Variants in ALMS1 observed in about 807,000 individuals in gnomAD.
The protein encoded by ALMS1 is ALMS1 centrosome and basal body associated protein.
In ALMS1, 271 loss-of-function variants were observed where a neutral mutation model predicts 352.2. The observed-to-expected ratio is 0.77, with a 90% confidence interval of 0.70 to 0.85. The LOEUF (loss-of-function observed/expected upper bound fraction) is 0.85. Among genes scored for constraint, ALMS1 ranks in the 40% least tolerant of loss-of-function variants. The pLI, the probability that ALMS1 is intolerant of heterozygous loss-of-function variation, is 0.00. For missense variants in ALMS1, 5,445 were observed against 4,870.7 expected (o/e 1.12, Z -3.51); for synonymous variants, 1,865 against 1,761.2 (o/e 1.06, Z -1.48).
chr2:73,572,264 T>C lies in ALMS1; in HGVS notation c.10387T>C (p.Ser3463Pro). 1 of 1,605,332 alleles carries C rather than the reference T, an allele frequency of 6.2e-7. No individual in the cohort carries two copies. Among genetic ancestry groups the C allele is most frequent in the South Asian group, 1.1e-5 (1 of 88,608 alleles). ...KESLQINIEE[S>P]ECHSEFENTT... ...AAATCTTTTTTTCTCCTTTTCAGAG[T>C]CCGAATGTCATTCAGAATTTGAAAA... is the stretch of plus-strand genomic sequence containing the variant. The change falls in exon 16 of 23, where the codon TCC becomes CCC. Residue 3463 changes from serine (S) to proline (P), a missense_variant and splice_region_variant. Coordinates refer to ENST00000613296, the MANE Select transcript of ALMS1 (RefSeq NM_001378454.1).
At chr2:73,583,204 T>A (rs1675227095) in intron 16 of ALMS1, among the ~76,000 whole-genome samples, 3 of 152,058 alleles carry the variant, frequency 2.0e-5, no homozygotes. Context: ...TACTTTTTTT[T>A]TTTTTTAGAG....
intron 9 of ALMS1, among the ~76,000 whole-genome samples, chr2:73,481,020 G>T (rs1456786610): frequency 2.6e-5 from 4 of 150,948 alleles, no homozygotes; most frequent in Admixed American, 2.0e-4. Context: ...CTCCCATTTT[G>T]TAGGTTTCCT....
chr2:73,449,074 G>A lies in ALMS1; in HGVS notation c.2547G>A (p.Gly849=), dbSNP rs1469851023. ...CTGGACCAGCTGACGGAAAGACTGG[G>A]ACACCAGCTGTAACCTCTACTTCCT... is the stretch of plus-strand genomic sequence containing the variant. The part of the protein sequence containing the change: ...AVSGPADGKT[G]TPAVTSTSSA... The change falls in exon 8 of 23, where the codon GGG becomes GGA. Residue 849 remains glycine, a synonymous_variant. Coordinates refer to ENST00000613296, the MANE Select transcript of ALMS1 (RefSeq NM_001378454.1). 1 of 1,614,104 alleles carries A rather than the reference G, an allele frequency of 6.2e-7. No individual in the cohort carries two copies. Among genetic ancestry groups the A allele is most frequent in the Admixed American group, 1.7e-5 (1 of 60,008 alleles).
At chr2:73,514,798 T>C (rs1673523400) in intron 10 of ALMS1, among the ~76,000 whole-genome samples, 2 of 152,198 alleles carry the variant, frequency 1.3e-5, no homozygotes, top group Non-Finnish European at 2.9e-5. Context: ...TGTATTTCAG[T>C]TGGTTATAGA....
intron 16 of ALMS1, among the ~76,000 whole-genome samples, chr2:73,580,989 G>A (rs528134594): frequency 2.0e-5 from 3 of 152,206 alleles, no homozygotes; most frequent in Non-Finnish European, 4.4e-5. Context: ...CTCTGCCTTA[G>A]CCTTGCTTCC....
In ALMS1 at chr2:73,608,568, TAA is replaced by T; in HGVS notation, c.12460_12461del (p.Lys4154GlufsTer40). 6.2e-7 allele frequency: 1 copy of T among 1,613,212 alleles called. No individual in the cohort carries two copies. ...KSYRLRAQLY[K>X]KRVTNQLLGR... is the part of the protein sequence containing the mutation. ...CATACCGGCTGCGAGCCCAGCTATA[TAA>T]AAAGGTCAGTGGGTCCTCTGTCTAG... On this transcript the variant is annotated frameshift_variant, in exon 22 of 23. Coordinates refer to ENST00000613296, the MANE Select transcript of ALMS1 (RefSeq NM_001378454.1). LOFTEE classifies it high-confidence loss of function.
At chr2:73,538,731 G>T (rs1558685943) in intron 12 of ALMS1, among the ~76,000 whole-genome samples, 1 of 152,162 alleles carries the variant, frequency 6.6e-6, no homozygotes, top group Admixed American at 6.5e-5. Flanking sequence ...CACACCAGGA[G>T]ATTATATCCC....
intron 7 of ALMS1, among the ~76,000 whole-genome samples, chr2:73,435,777 T>C (rs920273196): frequency 6.6e-6 from 1 of 152,048 alleles, no homozygotes; most frequent in Non-Finnish European, 1.5e-5. Context: ...AAAATTTTTT[T>C]GGTAGAGATG....
chr2:73,419,377 C>G, intron 3 of ALMS1, 59 bp downstream of exon 3: 2 of 1,529,810 alleles, frequency 1.3e-6, no homozygotes, highest in South Asian at 2.2e-5. Flanking sequence ...TTTGCGGGGA[C>G]TGCAAGTCTT....
At chr2:73,436,429 T>G (rs1468751125) in intron 7 of ALMS1, among the ~76,000 whole-genome samples, 1 of 152,214 alleles carries the variant, frequency 6.6e-6, no homozygotes, top group Non-Finnish European at 1.5e-5. Context: ...TTGTCTAATT[T>G]GGGAAGTTTT....
chr2:73,403,565 A>G (rs1414052540), intron 1 of ALMS1, among the ~76,000 whole-genome samples: 1 of 152,070 alleles, frequency 6.6e-6, no homozygotes, highest in Non-Finnish European at 1.5e-5. Flanking sequence ...ATTTTTGTGA[A>G]AAATGCCATT....
At chr2:73,400,358 G>T (rs559316619) in intron 1 of ALMS1, among the ~76,000 whole-genome samples, 6 of 152,270 alleles carry the variant, frequency 3.9e-5, no homozygotes, top group African/African-American at 1.4e-4. Context: ...ATTTTGCTGA[G>T]AATTTTTACA....
At position 73,451,446 on chromosome 2, in the gene ALMS1, A is replaced by T; in HGVS notation, c.4919A>T (p.Glu1640Val). 1 of 1,613,920 alleles carries T rather than the reference A, an allele frequency of 6.2e-7. No homozygotes were observed. Among genetic ancestry groups the T allele is most frequent in the Non-Finnish European group, 8.5e-7 (1 of 1,179,964 alleles). The change falls in exon 8 of 23, where the codon GAG becomes GTG. Residue 1640 changes from glutamate (E) to valine (V), a missense_variant. Coordinates refer to ENST00000613296, the MANE Select transcript of ALMS1 (RefSeq NM_001378454.1). ...QALLDSPLNK[E>V]VVKVSAAPGP... ...CTGCTAGACAGTCCTCTAAATAAAG[A>T]GGTTGTGAAAGTTTCAGCTGCTCCT... is the stretch of plus-strand genomic sequence containing the variant.
intron 10 of ALMS1, among the ~76,000 whole-genome samples, chr2:73,504,824 G>T (rs1173135171): frequency 1.3e-5 from 2 of 151,956 alleles, no homozygotes; most frequent in African/African-American, 2.4e-5. Context: ...GTGGTTTGCT[G>T]CACCCATCAA....
intron 1 of ALMS1, among the ~76,000 whole-genome samples, chr2:73,395,543 A>G (rs1670743920): frequency 6.6e-6 from 1 of 152,058 alleles, no homozygotes; most frequent in African/African-American, 2.4e-5. Context: ...TACTGTTTTT[A>G]ATGGTATTGT....
At position 73,490,154 on chromosome 2, in the gene ALMS1, T is replaced by C. The variant is rs200859630; in HGVS notation, c.8195T>C (p.Val2732Ala). The C allele has an allele frequency of 1.4e-5, 22 of 1,614,168 alleles. No homozygotes were observed. In the East Asian group the frequency reaches 4.7e-4, roughly 34 times the overall value. The part of the protein sequence containing the change: ...HSKCISNSSV[V>A]KVGVTEGSQC... ...AAATGCATTTCCAATTCCTCTGTTG[T>C]TAAGGTTGGTGTTACTGAAGGTAGC... The change falls in exon 10 of 23, where the codon GTT becomes GCT. Residue 2732 changes from valine (V) to alanine (A), a missense_variant. Physicochemically the swap from Val to Ala is moderately conservative, Grantham distance 64. Transcript: ENST00000613296.
rs762223937 is a variant in ALMS1, at chr2:73,602,291, C to G, written c.12221C>G (p.Thr4074Ser). The change falls in exon 20 of 23, where the codon ACC becomes AGC. Residue 4074 changes from threonine (T) to serine (S), a missense_variant. Thr to Ser is a moderately conservative substitution (Grantham distance 58). Transcript: ENST00000613296. ...AGGAAGCTGCAGAGCATGTTACAGA[C>G]CGAGCGGGATGCACTATTCAACATT... The part of the protein sequence containing the change: ...QERKLQSMLQ[T>S]ERDALFNIDR... The G allele has an allele frequency of 2.5e-6, 4 of 1,614,156 alleles. No homozygotes were observed. Among genetic ancestry groups the G allele is most frequent in the Admixed American group, 3.3e-5 (2 of 60,026 alleles).
intron 13 of ALMS1, among the ~76,000 whole-genome samples, chr2:73,552,026 A>T (rs1032453976): frequency 1.3e-5 from 2 of 152,208 alleles, no homozygotes; most frequent in African/African-American, 4.8e-5. Context: ...TGAGAAAAAT[A>T]AATGAGATCT....
chr2:73,402,506 T>G (rs528173733), intron 1 of ALMS1, among the ~76,000 whole-genome samples: 1 of 152,028 alleles, frequency 6.6e-6, no homozygotes, highest in Non-Finnish European at 1.5e-5. Context: ...ACTCCTAACC[T>G]CAGTGATCCT....
Sources: allele counts gnomAD v4.1 joint callset (sites outside exome capture counted in the v4.1 genomes callset), GRCh38; gene constraint gnomAD v4.1.1; transcripts MANE v1.5; gene names NCBI Gene and HGNC (gene_info 2026-07-23, HGNC 2026-07-21).